FHIT: variants seen among roughly 807,000 people sequenced by gnomAD.
FHIT encodes bis(5'-adenosyl)-triphosphatase.
A neutral mutation model predicts 17.9 loss-of-function variants in FHIT; 19 were observed. The observed-to-expected ratio is 1.06, with a 90% CI of 0.74 to 1.56. FHIT has a LOEUF of 1.56. Ranked by LOEUF, FHIT falls within the 40% of genes most tolerant of loss-of-function variation. The probability of loss-of-function intolerance (pLI) is 0.00; values close to 1 mark genes in which losing one functional copy is unlikely to be tolerated. For missense variants in FHIT, 248 were observed against 189.2 expected (o/e 1.31, Z -1.82); for synonymous variants, 81 against 69.7 (o/e 1.16, Z -0.81).
intron 8 of FHIT, among the ~76,000 whole-genome samples, chr3:59,786,834 G>A (rs1219881540): frequency 1.3e-5 from 2 of 152,252 alleles, no homozygotes; most frequent in African/African-American, 2.4e-5. Flanking sequence ...AGCTGTTCCT[G>A]TGGCTGCTGC....
At chr3:59,970,361 T>G (rs1575789181) in intron 7 of FHIT, among the ~76,000 whole-genome samples, 3 of 152,250 alleles carry the variant, frequency 2.0e-5, no homozygotes. Context: ...GAGGCACCAA[T>G]GCTCATCCCA....
chr3:60,239,786 A>T (rs994927708), intron 5 of FHIT, among the ~76,000 whole-genome samples: 3 of 152,150 alleles, frequency 2.0e-5, no homozygotes, highest in African/African-American at 7.2e-5. Context: ...AAAATCAAAG[A>T]CTACCTTACT....
intron 8 of FHIT, among the ~76,000 whole-genome samples, chr3:59,760,803 C>T (rs6785349): frequency 0.066 from 9,956 of 151,894 alleles, 813 homozygotes; most frequent in African/African-American, 0.19. Context: ...AACACTGCTC[C>T]CTGATTGATT....
intron 5 of FHIT, among the ~76,000 whole-genome samples, chr3:60,239,003 A>C (rs1028895019): frequency 2.6e-5 from 4 of 152,164 alleles, no homozygotes; most frequent in African/African-American, 4.8e-5. Flanking sequence ...ATTTAGGAAC[A>C]TCCCTGGCAT....
At chr3:60,833,177 C>T (rs1219857119) in intron 3 of FHIT, among the ~76,000 whole-genome samples, 12 of 152,030 alleles carry the variant, frequency 7.9e-5, no homozygotes, top group African/African-American at 2.4e-4. Context: ...ACTTAAGCCC[C>T]GATTTTCATC....
intron 3 of FHIT, among the ~76,000 whole-genome samples, chr3:60,929,619 C>T (rs1553771124): frequency 6.6e-6 from 1 of 152,088 alleles, no homozygotes. Context: ...ACAATTGCTT[C>T]AAAGAGAATA....
intron 5 of FHIT, among the ~76,000 whole-genome samples, chr3:60,276,693 G>A (rs1707153684): frequency 6.6e-6 from 1 of 152,188 alleles, no homozygotes; most frequent in African/African-American, 2.4e-5. Context: ...CTATGGATCT[G>A]TAGGCTGTAT....
At chr3:60,281,859 A>C (rs949288968) in intron 5 of FHIT, among the ~76,000 whole-genome samples, 1 of 152,156 alleles carries the variant, frequency 6.6e-6, no homozygotes, top group Non-Finnish European at 1.5e-5. Context: ...TTTGCTCTAC[A>C]AAAAATACTG....
intron 5 of FHIT, among the ~76,000 whole-genome samples, chr3:60,366,228 T>C (rs1700101847): frequency 1.3e-5 from 2 of 152,060 alleles, no homozygotes; most frequent in South Asian, 4.1e-4. Flanking sequence ...CAGGCTGGAG[T>C]GCAGTGGTGC....
chr3:60,514,893 T>C (rs1346200442), intron 5 of FHIT, among the ~76,000 whole-genome samples: 1 of 151,924 alleles, frequency 6.6e-6, no homozygotes, highest in Admixed American at 6.6e-5. Flanking sequence ...ACAGCCACAC[T>C]GACAACAGCC....
At chr3:60,722,165 C>G (rs915254401) in intron 4 of FHIT, among the ~76,000 whole-genome samples, 1 of 152,194 alleles carries the variant, frequency 6.6e-6, no homozygotes, top group South Asian at 2.1e-4. Context: ...CTTGCACATT[C>G]CTCCAGAGTC....
intron 5 of FHIT, among the ~76,000 whole-genome samples, chr3:60,066,193 G>C (rs1182820278): frequency 6.6e-6 from 1 of 152,062 alleles, no homozygotes; most frequent in African/African-American, 2.4e-5. Context: ...CCCAGGTTGT[G>C]AGAGCTCTTT....
chr3:60,192,010 G>C (rs1702420993), intron 5 of FHIT, among the ~76,000 whole-genome samples: 1 of 152,098 alleles, frequency 6.6e-6, no homozygotes, highest in African/African-American at 2.4e-5. Context: ...ACTGAGGATT[G>C]GAGACTGAGG....
intron 4 of FHIT, among the ~76,000 whole-genome samples, chr3:60,812,783 G>A (rs1371226894): frequency 1.3e-5 from 2 of 152,052 alleles, no homozygotes; most frequent in Non-Finnish European, 2.9e-5. Flanking sequence ...AGAGAAAAAC[G>A]ATGCTGTGCA....
intron 2 of FHIT, among the ~76,000 whole-genome samples, chr3:61,129,136 A>G (rs1401625208): frequency 1.3e-5 from 2 of 152,196 alleles, no homozygotes; most frequent in African/African-American, 2.4e-5. Context: ...ACATCCCACA[A>G]TCAAAGTATT....
chr3:60,706,598 G>A (rs1223275973), intron 4 of FHIT, among the ~76,000 whole-genome samples: 10 of 152,124 alleles, frequency 6.6e-5, no homozygotes, highest in Non-Finnish European at 1.3e-4. Flanking sequence ...CCTTTTAAAC[G>A]TTTGGGAACA....
chr3:60,593,090 G>GA (rs1321600371), intron 4 of FHIT, among the ~76,000 whole-genome samples: 3 of 152,098 alleles, frequency 2.0e-5, no homozygotes, highest in Non-Finnish European at 4.4e-5. Flanking sequence ...CATCTAGGGG[G>GA]AAAATGTGGG....
rs139476219 is a variant in FHIT at position 60,943,887 on chromosome 3, A to G, written c.-111+98160T>C. 9.8e-3 allele frequency among the ~76,000 whole-genome samples: 1,486 copies of G among 152,310 alleles called. 13 individuals carry two copies. Among genetic ancestry groups the G allele is most frequent in the Non-Finnish European group, 0.013 (918 of 68,004 alleles). ...CACTACTACTCTTATTTCTTTACCTATAACATGAAAATAAGTGAATCCACT... is the reference window on the plus strand; with the variant it reads ...CACTACTACTCTTATTTCTTTACCTGTAACATGAAAATAAGTGAATCCACT... On this transcript the variant is annotated intron_variant, in intron 3 of 9. Transcript: ENST00000492590.
At position 59,822,327 on chromosome 3, in the gene FHIT, T is replaced by C. The variant is rs925660982; in HGVS notation, c.349-70006A>G. Among the ~76,000 whole-genome samples, 4 of 152,326 alleles carry C rather than the reference T, an allele frequency of 2.6e-5. No homozygotes were observed. In the East Asian group the frequency reaches 7.7e-4, roughly 29 times the overall value. On this transcript the variant is annotated intron_variant, in intron 8 of 9. Coordinates refer to ENST00000492590, the MANE Select transcript of FHIT (RefSeq NM_002012.4). ...GGTAGATACCCAGCAGTGGGACTGC[T>C]GGATCAAATGGTAGTTCCATTTTTA... is the stretch of plus-strand genomic sequence containing the variant.
Sources: allele counts gnomAD v4.1 joint callset (sites outside exome capture counted in the v4.1 genomes callset), GRCh38; gene constraint gnomAD v4.1.1; transcripts MANE v1.5; gene names NCBI Gene and HGNC (gene_info 2026-07-23, HGNC 2026-07-21).